DENND4C: variants seen among roughly 807,000 people sequenced by gnomAD.
DENND4C encodes DENN domain-containing protein 4C.
DENND4C carries 108 observed loss-of-function variants against 203.0 expected under a neutral mutation model. That is an observed-to-expected ratio of 0.53 (90% confidence interval 0.46 to 0.62). The LOEUF (loss-of-function observed/expected upper bound fraction) is 0.62. Among genes scored for constraint, DENND4C ranks in the 20% least tolerant of loss-of-function variants. DENND4C has a pLI of 0.00. For missense variants in DENND4C, 2,481 were observed against 2,301.2 expected, an observed-to-expected ratio of 1.08 and a Z score of -1.60; for synonymous variants, 871 against 792.4, an observed-to-expected ratio of 1.10 and a Z score of -1.67.
intron 6 of DENND4C, among the ~76,000 whole-genome samples, chr9:19,296,780 G>T (rs1362598417): frequency 6.6e-6 from 1 of 152,162 alleles, no homozygotes; most frequent in East Asian, 1.9e-4. Context: ...TATTGTGAGT[G>T]TTCTTCTTCC....
chr9:19,250,073 C>T (rs538916031), intron 1 of DENND4C, among the ~76,000 whole-genome samples: 9 of 152,224 alleles, frequency 5.9e-5, no homozygotes, highest in African/African-American at 1.2e-4. Flanking sequence ...CAAGGTGGGA[C>T]GATTGCATGA....
At chr9:19,255,750 A>G (rs1247926298) in intron 1 of DENND4C, among the ~76,000 whole-genome samples, 2 of 152,254 alleles carry the variant, frequency 1.3e-5, no homozygotes, top group East Asian at 1.9e-4. Flanking sequence ...GAAAGGAGAA[A>G]AAGACAAATC....
At chr9:19,290,038 A>C (rs1835968620) in intron 4 of DENND4C, among the ~76,000 whole-genome samples, 1 of 152,104 alleles carries the variant, frequency 6.6e-6, no homozygotes. Context: ...TTGGGCTCAA[A>C]ATTCTACTAC....
intron 12 of DENND4C, among the ~76,000 whole-genome samples, chr9:19,320,173 A>G (rs1395550879): frequency 6.6e-6 from 1 of 152,046 alleles, no homozygotes; most frequent in Non-Finnish European, 1.5e-5. Flanking sequence ...AAAATCATTG[A>G]TGAAATCTTT....
intron 20 of DENND4C, 67 bp downstream of exon 20, chr9:19,336,899 GCTT>G (rs1174212773): frequency 2.8e-6 from 4 of 1,453,642 alleles, no homozygotes; most frequent in Non-Finnish European, 3.7e-6. Flanking sequence ...TTTTCAAAAA[GCTT>G]CTTCCATTCT....
At chr9:19,315,726 G>C (rs1841715989) in intron 10 of DENND4C, among the ~76,000 whole-genome samples, 2 of 149,128 alleles carry the variant, frequency 1.3e-5, no homozygotes, top group Non-Finnish European at 3.0e-5. Flanking sequence ...TTCTTTTTGA[G>C]ACATAGTCTT....
At chr9:19,305,149 G>A (rs994403523) in intron 9 of DENND4C, among the ~76,000 whole-genome samples, 1 of 151,946 alleles carries the variant, frequency 6.6e-6, no homozygotes, top group Non-Finnish European at 1.5e-5. Context: ...TATGATCATC[G>A]TCATGGCTTG....
At chr9:19,295,861 G>A (rs1837357999) in intron 5 of DENND4C, 147 bp from the exon 6 acceptor site, 1 of 598,562 alleles carries the variant, frequency 1.7e-6, no homozygotes, top group Admixed American at 3.2e-5. Flanking sequence ...TTATCTCTGG[G>A]ACAGAAATTT....
In DENND4C at chr9:19,248,636, C is replaced by T. The variant is rs958630857; in HGVS notation, c.-18+17803C>T. ...AACTCCCGACCTCAGATGATCTGCC[C>T]GCCTCAGCTTCCCTAAATGCTGGGA... On this transcript the variant is annotated intron_variant, in intron 1 of 32. Transcript: ENST00000434457. Among the ~76,000 whole-genome samples, 18 of 152,152 alleles carry T rather than the reference C, an allele frequency of 1.2e-4. No homozygotes were observed. The South Asian group carries it at 1.5e-3, about 12-fold the overall frequency.
intron 2 of DENND4C, among the ~76,000 whole-genome samples, chr9:19,282,176 A>G (rs968862887): frequency 6.6e-6 from 1 of 151,974 alleles, no homozygotes; most frequent in African/African-American, 2.4e-5. Flanking sequence ...ATACAGCTGT[A>G]CAAAAATATT....
chr9:19,246,110 A>C (rs1313241804), intron 1 of DENND4C, among the ~76,000 whole-genome samples: 1 of 150,852 alleles, frequency 6.6e-6, no homozygotes, highest in East Asian at 1.9e-4. Context: ...CATTTAATAA[A>C]AATTTCAGTA....
chr9:19,360,560 A>G, intron 29 of DENND4C, 71 bp downstream of exon 29: 1 of 1,569,824 alleles, frequency 6.4e-7, no homozygotes, highest in Non-Finnish European at 8.7e-7. Context: ...TCCTGAAAGT[A>G]TACAACAGTA....
Position 19,336,391 on chromosome 9 carries a change from G to A in DENND4C, c.2711G>A (p.Arg904Lys), listed in dbSNP as rs1259819241. The A allele has an allele frequency of 6.2e-7, 1 of 1,613,670 alleles. No individual in the cohort carries two copies. Among genetic ancestry groups the A allele is most frequent in the African/African-American group, 1.3e-5 (1 of 74,992 alleles). The change falls in exon 19 of 33, where the codon AGG (arginine) becomes AAG (lysine). Residue 904 changes from arginine to lysine, a missense_variant. Transcript: ENST00000434457. Reference sequence around the variant, plus strand: ...CAGCCGCTTAAAAAGACTGTGCAAAGGTCACAGGTCTCCTCAATATCAGGT... The same window carrying A: ...CAGCCGCTTAAAAAGACTGTGCAAAAGTCACAGGTCTCCTCAATATCAGGT... Reference protein sequence around the residue: ...FRQPLKKTVQRSQVSSISALQ... With the variant: ...FRQPLKKTVQKSQVSSISALQ...
chr9:19,320,099 G>A (rs1179637027), intron 12 of DENND4C, among the ~76,000 whole-genome samples: 1 of 151,828 alleles, frequency 6.6e-6, no homozygotes, highest in African/African-American at 2.4e-5. Flanking sequence ...TATTTTAGTA[G>A]CCACAATAAA....
At chr9:19,322,442 G>A (rs1843029748) in intron 12 of DENND4C, among the ~76,000 whole-genome samples, 1 of 152,144 alleles carries the variant, frequency 6.6e-6, no homozygotes, top group African/African-American at 2.4e-5. Context: ...AAGAAGTGAA[G>A]ATGGGAGGAT....
intron 1 of DENND4C, among the ~76,000 whole-genome samples, chr9:19,259,654 TC>T (rs1414818038): frequency 1.3e-5 from 2 of 151,838 alleles, no homozygotes; most frequent in African/African-American, 4.8e-5. Context: ...TACAGGCATG[TC>T]CCACCACTCC....
In DENND4C at chr9:19,320,784, G is replaced by A. The variant is rs563965512; in HGVS notation, c.1808-3578G>A. 5.3e-5 allele frequency among the ~76,000 whole-genome samples: 8 copies of A among 152,300 alleles called. No homozygotes were observed. The East Asian group carries it at 1.5e-3, about 29-fold the overall frequency. ...GTGTTGTTACCCTCACTCATTCATT[G>A]TAGTTCACCCATCAGCCTTTGACTT... On this transcript the variant is annotated intron_variant, in intron 12 of 32. Coordinates refer to ENST00000434457, the MANE Select transcript of DENND4C (RefSeq NM_001330640.2).
chr9:19,321,169 T>A (rs1842817309), intron 12 of DENND4C, among the ~76,000 whole-genome samples: 1 of 152,244 alleles, frequency 6.6e-6, no homozygotes, highest in African/African-American at 2.4e-5. Flanking sequence ...AAGAATCTCC[T>A]TGGCTTCCAT....
intron 6 of DENND4C, among the ~76,000 whole-genome samples, chr9:19,297,307 T>G (rs952416281): frequency 1.3e-5 from 2 of 152,112 alleles, no homozygotes; most frequent in Admixed American, 6.6e-5. Context: ...AAAATCAACT[T>G]TAAAAAGAGT....
Sources: gnomAD v4.1 joint callset for allele counts (sites outside exome capture counted in the v4.1 genomes callset) on GRCh38, gnomAD v4.1.1 for gene constraint, MANE v1.5 for transcripts, NCBI Gene and HGNC (gene_info 2026-07-23, HGNC 2026-07-21) for gene names.